SLC4A4: variants seen among roughly 807,000 people sequenced by gnomAD.
SLC4A4 encodes electrogenic sodium bicarbonate cotransporter 1.
In SLC4A4, 27 loss-of-function variants were observed where a neutral mutation model predicts 111.5. That is an observed-to-expected ratio of 0.24 (90% confidence interval 0.18 to 0.33). The LOEUF (loss-of-function observed/expected upper bound fraction) is 0.33, where lower values mean the gene tolerates loss of function less well. Ranked by LOEUF, SLC4A4 falls within the 10% of genes least tolerant of loss-of-function variation. The pLI is 1.00. For missense variants in SLC4A4, 909 were observed against 1,315.5 expected (o/e 0.69, Z 4.78); for synonymous variants, 443 against 463.4 (o/e 0.96, Z 0.57).
intron 7 of SLC4A4, among the ~76,000 whole-genome samples, chr4:71,407,689 G>T (rs184595621): frequency 6.6e-6 from 1 of 151,996 alleles, no homozygotes; most frequent in African/African-American, 2.4e-5. Flanking sequence ...AAAAGACTTA[G>T]TTCATCTAAT....
chr4:71,424,798 A>T (rs966550626), intron 7 of SLC4A4, among the ~76,000 whole-genome samples: 1 of 151,850 alleles, frequency 6.6e-6, no homozygotes, highest in Non-Finnish European at 1.5e-5. Context: ...CAATGAGAAC[A>T]CGTGGACACA....
intron 1 of SLC4A4, among the ~76,000 whole-genome samples, chr4:71,225,074 A>G (rs1032226781): frequency 2.0e-5 from 3 of 152,194 alleles, no homozygotes; most frequent in Non-Finnish European, 4.4e-5. Flanking sequence ...ATAATGGGCC[A>G]GGTGCGGTGG....
At chr4:71,286,806 G>A (rs767468388) in intron 3 of SLC4A4, among the ~76,000 whole-genome samples, 10 of 152,166 alleles carry the variant, frequency 6.6e-5, no homozygotes, top group Non-Finnish European at 1.3e-4. Flanking sequence ...TCGAAATTAG[G>A]CAGGTTTTAT....
At chr4:71,336,759 G>C (rs543742184) in intron 3 of SLC4A4, among the ~76,000 whole-genome samples, 1 of 152,160 alleles carries the variant, frequency 6.6e-6, no homozygotes, top group Non-Finnish European at 1.5e-5. Flanking sequence ...CACTTTCCTT[G>C]TTTATGTTGA....
chr4:71,267,868 C>T (rs573122080), intron 3 of SLC4A4, among the ~76,000 whole-genome samples: 5 of 148,578 alleles, frequency 3.4e-5, no homozygotes, highest in South Asian at 4.3e-4. Context: ...TATTAAATGC[C>T]ATGATAAAAG....
At position 71,329,668 on chromosome 4, in the gene SLC4A4, T is replaced by C. The variant is rs377114987; in HGVS notation, c.254-9702T>C. Among the ~76,000 whole-genome samples, 178 of 152,294 alleles carry C rather than the reference T, an allele frequency of 1.2e-3. 1 individual carries two copies. In the Middle Eastern group the frequency reaches 0.02, roughly 17 times the overall value. ...CTACTGATTTTTGTGTACTTGATAT[T>C]GTGTCATGCAACTTAACTGAATTTA... On this transcript the variant is annotated intron_variant, in intron 3 of 25. Transcript: ENST00000264485.
chr4:71,179,078 A>C (rs1240815004), intron 2 of SLC4A4, among the ~76,000 whole-genome samples: 1 of 152,266 alleles, frequency 6.6e-6, no homozygotes, highest in African/African-American at 2.4e-5. Flanking sequence ...ATAATCCAGC[A>C]TATAAACAGA....
intron 18 of SLC4A4, among the ~76,000 whole-genome samples, chr4:71,536,469 T>TATAC (rs1452765621): frequency 3.7e-5 from 3 of 80,300 alleles, no homozygotes; most frequent in Non-Finnish European, 7.5e-5. Context: ...TATATACATA[T>TATAC]ATATATATAT....
intron 7 of SLC4A4, among the ~76,000 whole-genome samples, chr4:71,423,268 A>C (rs994295348): frequency 6.6e-6 from 1 of 152,216 alleles, no homozygotes; most frequent in African/African-American, 2.4e-5. Flanking sequence ...ATACCTAGGA[A>C]TCCACCTTAC....
intron 3 of SLC4A4, among the ~76,000 whole-genome samples, chr4:71,310,354 A>G (rs1232373511): frequency 6.6e-6 from 1 of 152,162 alleles, no homozygotes; most frequent in Non-Finnish European, 1.5e-5. Flanking sequence ...ATACTCTTCA[A>G]GAAGAGCAAC....
intron 2 of SLC4A4, among the ~76,000 whole-genome samples, chr4:71,123,080 C>T (rs2148957623): frequency 6.6e-6 from 1 of 152,098 alleles, no homozygotes; most frequent in East Asian, 1.9e-4. Flanking sequence ...CTGCGAAAAG[C>T]AACAGAAGAT....
At chr4:71,410,239 T>G (rs1338650689) in intron 7 of SLC4A4, among the ~76,000 whole-genome samples, 5 of 152,110 alleles carry the variant, frequency 3.3e-5, no homozygotes, top group Admixed American at 2.0e-4. Flanking sequence ...GAATGGTAGA[T>G]CCACTCACAG....
chr4:71,525,234 G>A (rs1733311206), intron 16 of SLC4A4, among the ~76,000 whole-genome samples: 1 of 151,942 alleles, frequency 6.6e-6, no homozygotes, highest in South Asian at 2.1e-4. Flanking sequence ...TCTTTGCTTT[G>A]GTAGTTTAAA....
chr4:71,414,777 T>G (rs534358654), intron 7 of SLC4A4, among the ~76,000 whole-genome samples: 2 of 152,320 alleles, frequency 1.3e-5, no homozygotes, highest in Non-Finnish European at 2.9e-5. Context: ...CAGCTGGAGT[T>G]TGTGGGGCAG....
intron 2 of SLC4A4, among the ~76,000 whole-genome samples, chr4:71,125,149 T>C (rs1320761698): frequency 6.6e-6 from 1 of 152,194 alleles, no homozygotes; most frequent in Non-Finnish European, 1.5e-5. Flanking sequence ...GATTTATGTA[T>C]AGGCAAGTGG....
In SLC4A4 at chr4:71,431,992, A is replaced by C. The variant is rs182590552; in HGVS notation, c.808-8624A>C. The stretch of plus-strand genomic sequence containing the variant: ...GCAAAGCAAATGTTTGATACAGTGG[A>C]GAATGAACTGATCTTACCTTGTGAA... On this transcript the variant is annotated intron_variant, in intron 7 of 25. Coordinates refer to ENST00000264485, the MANE Select transcript of SLC4A4 (RefSeq NM_001098484.3). Among the ~76,000 whole-genome samples, 2 of 152,250 alleles carry C rather than the reference A, an allele frequency of 1.3e-5. 1 individual carries two copies. Among genetic ancestry groups the C allele is most frequent in the African/African-American group, 4.8e-5 (2 of 41,556 alleles).
At chr4:71,298,981 C>T (rs748018764) in intron 3 of SLC4A4, among the ~76,000 whole-genome samples, 44 of 152,196 alleles carry the variant, frequency 2.9e-4, no homozygotes, top group Non-Finnish European at 3.7e-4. Context: ...ATTTATTACT[C>T]TAGCTATTAT....
At chr4:71,403,927 C>T (rs561678416) in intron 7 of SLC4A4, among the ~76,000 whole-genome samples, 1 of 152,196 alleles carries the variant, frequency 6.6e-6, no homozygotes, top group African/African-American at 2.4e-5. Flanking sequence ...CTCACAGACC[C>T]ATAAGAGCCC....
Position 71,563,729 on chromosome 4 carries a change from C to T in SLC4A4, c.3100-64C>T. 4.0e-6 allele frequency: 4 copies of T among 1,002,452 alleles called. No homozygotes were observed. The South Asian group carries it at 5.1e-5, about 13-fold the overall frequency. 62.1% of individuals were successfully genotyped at this position (1,002,452 alleles called of 1,614,324 possible). A position where few individuals can be genotyped will look rare whatever the true frequency, so the allele number is the denominator to read the frequency against. On this transcript the variant is annotated intron_variant, in intron 23 of 25. Coordinates refer to ENST00000264485, the MANE Select transcript of SLC4A4 (RefSeq NM_001098484.3). ...ATTATAGAAAACGGTTTGATCGATG[C>T]TAGGAGATAGGAAGGGCTGTATAAT...
Sources: allele counts gnomAD v4.1 joint callset (sites outside exome capture counted in the v4.1 genomes callset), GRCh38; gene constraint gnomAD v4.1.1; transcripts MANE v1.5; gene names NCBI Gene and HGNC (gene_info 2026-07-23, HGNC 2026-07-21).